ADGB: variants seen among roughly 807,000 people sequenced by gnomAD.
ADGB encodes calpain-7-like protein.
ADGB carries 172 observed loss-of-function variants against 210.5 expected under a neutral mutation model. That is an observed-to-expected ratio of 0.82 (90% CI 0.72 to 0.93). ADGB has a LOEUF of 0.93. Among genes scored for constraint, ADGB ranks in the 40% least tolerant of loss-of-function variants. The probability of loss-of-function intolerance (pLI) is 0.00; values close to 1 mark genes in which losing one functional copy is unlikely to be tolerated. For synonymous variants in ADGB, 658 were observed against 662.7 expected (o/e 0.99, Z 0.11); for missense variants, 2,025 against 1,964.8 (o/e 1.03, Z -0.58).
Position 146,692,838 on chromosome 6 carries a change from G to GAAGCCTGAACGGT in ADGB, c.1501_1513dup (p.Phe505Ter). ...GCTACTTTTTAGAGTTAATAGTAAA[G>GAAGCCTGAACGGT]AAGCCTGAACGGTTCCTTGAGATTT... On this transcript the variant is annotated frameshift_variant, in exon 12 of 36. Coordinates refer to ENST00000397944, the MANE Select transcript of ADGB (RefSeq NM_024694.4). LOFTEE classifies it high-confidence loss of function. 6.6e-7 allele frequency: 1 copy of GAAGCCTGAACGGT among 1,526,636 alleles called. No individual in the cohort carries two copies. Among genetic ancestry groups the GAAGCCTGAACGGT allele is most frequent in the Non-Finnish European group, 8.8e-7 (1 of 1,133,406 alleles). The allele number at this position is 1,526,636 out of a possible 1,614,324, so 94.6% of individuals were successfully genotyped here. A position where few individuals can be genotyped will look rare whatever the true frequency, so the allele number is the denominator to read the frequency against.
In ADGB at chr6:146,627,653, C is replaced by T. The variant is rs115336324; in HGVS notation, c.75-7722C>T. Among the ~76,000 whole-genome samples the T allele has an allele frequency of 5.9e-3, 900 of 152,106 alleles. 14 individuals carry two copies. Among genetic ancestry groups the T allele is most frequent in the African/African-American group, 0.021 (856 of 41,508 alleles). On this transcript the variant is annotated intron_variant, in intron 1 of 35. Coordinates refer to ENST00000397944, the MANE Select transcript of ADGB (RefSeq NM_024694.4). ...GATTCTCTCAGGTACTTTTTTTCCC[C>T]GGCTTTGGGTAGCTTCCTCATGCAC... is the stretch of plus-strand genomic sequence containing the variant.
intron 5 of ADGB, among the ~76,000 whole-genome samples, chr6:146,657,207 T>G (rs1245563186): frequency 2.0e-5 from 3 of 151,570 alleles, no homozygotes; most frequent in Non-Finnish European, 2.9e-5. Context: ...GTGCCTGTAA[T>G]CCCACCTACT....
intron 29 of ADGB, among the ~76,000 whole-genome samples, chr6:146,780,899 C>T (rs1411553993): frequency 6.6e-6 from 1 of 152,028 alleles, no homozygotes; most frequent in East Asian, 1.9e-4. Context: ...ACACATTCTT[C>T]TCAAGGGCAT....
At chr6:146,657,908 G>T (rs1299870819) in intron 5 of ADGB, among the ~76,000 whole-genome samples, 1 of 152,124 alleles carries the variant, frequency 6.6e-6, no homozygotes, top group Non-Finnish European at 1.5e-5. Context: ...TATAAATATG[G>T]CAAAGCAGAC....
In ADGB at chr6:146,788,537, G is replaced by T; in HGVS notation, c.4464G>T (p.Thr1488=). ...GCTTGAGGGATGTGGCAAAATCCAC[G>T]AGTAGCGAAAGTGGAGGAGTGTCTT... The part of the protein sequence containing the change: ...TKGLRDVAKS[T]SSESGGVSSP... The change falls in exon 33 of 36, where the codon ACG becomes ACT. Residue 1488 remains threonine, a synonymous_variant. Coordinates refer to ENST00000397944, the MANE Select transcript of ADGB (RefSeq NM_024694.4). 1.9e-6 allele frequency: 3 copies of T among 1,551,614 alleles called. No homozygotes were observed. The highest frequency in any genetic ancestry group is 2.6e-6 in the Non-Finnish European group (3 of 1,146,896).
chr6:146,735,949 A>G (rs1777073043), intron 22 of ADGB, among the ~76,000 whole-genome samples: 1 of 152,214 alleles, frequency 6.6e-6, no homozygotes, highest in Non-Finnish European at 1.5e-5. Context: ...TGAAGATATC[A>G]ATTTCAGATG....
In ADGB at chr6:146,801,867, G is replaced by C. The variant is rs1480195882; in HGVS notation, c.4674G>C (p.Leu1558Phe). ...ATCCTCTGCTGCAAACAGATGAATT[G>C]AATCAGCAGCAGGCAATGCAAAAGG... ...DTDPLLQTDE[L>F]NQQQAMQKAE... is the part of the protein sequence containing the mutation. Residue 1558 changes from leucine to phenylalanine, a missense_variant, in exon 35 of 36, where the codon TTG becomes TTC. Leu to Phe is a conservative substitution (Grantham distance 22). Transcript: ENST00000397944. The C allele has an allele frequency of 3.9e-6, 6 of 1,550,054 alleles. No individual in the cohort carries two copies. Among genetic ancestry groups the C allele is most frequent in the Non-Finnish European group, 3.5e-6 (4 of 1,146,320 alleles).
At position 146,676,328 on chromosome 6, in the gene ADGB, G is replaced by C. The variant is rs1190986771; in HGVS notation, c.1103G>C (p.Arg368Thr). Residue 368 changes from arginine to threonine, a missense_variant, in exon 9 of 36, where the codon AGA becomes ACA. Coordinates refer to ENST00000397944, the MANE Select transcript of ADGB (RefSeq NM_024694.4). ...DKVPKEKADA[R>T]DIGKKRSKDG... is the part of the protein sequence containing the mutation. ...CATATGTTAGAGAAAGCAGATGCAAGAGACATTGGAAAGAAGAGAAGCAAA... is the reference window on the plus strand; with the variant it reads ...CATATGTTAGAGAAAGCAGATGCAACAGACATTGGAAAGAAGAGAAGCAAA... The C allele has an allele frequency of 6.5e-7, 1 of 1,547,734 alleles. No homozygotes were observed. The highest frequency in any genetic ancestry group is 2.5e-5 in the East Asian group (1 of 40,764).
chr6:146,684,531 G>A (rs1316894941), intron 9 of ADGB, among the ~76,000 whole-genome samples: 1 of 152,026 alleles, frequency 6.6e-6, no homozygotes, highest in African/African-American at 2.4e-5. Context: ...TCTGATGATA[G>A]GAGTGCATGA....
Position 146,775,674 on chromosome 6 carries a change from T to C in ADGB, c.3863-6346T>C, listed in dbSNP as rs978670196. Among the ~76,000 whole-genome samples, 9 of 152,148 alleles carry C rather than the reference T, an allele frequency of 5.9e-5. No homozygotes were observed. In the East Asian group the frequency reaches 1.7e-3, roughly 29 times the overall value. ...CAAAAATATTTGGTTTCAAGTCTCA[T>C]TGAATTTTATTAGCAGTATTATAAC... On this transcript the variant is annotated intron_variant, in intron 29 of 35. Transcript: ENST00000397944.
intron 33 of ADGB, among the ~76,000 whole-genome samples, chr6:146,797,975 A>G (rs1382081881): frequency 6.7e-6 from 1 of 149,544 alleles, no homozygotes; most frequent in South Asian, 2.1e-4. Context: ...CAGTGAAAAA[A>G]AAAAAGTTGG....
chr6:146,699,897 T>C (rs1261259687), intron 12 of ADGB, among the ~76,000 whole-genome samples: 1 of 152,200 alleles, frequency 6.6e-6, no homozygotes, highest in East Asian at 1.9e-4. Context: ...TTACTTACTT[T>C]TTATCTTCTT....
intron 34 of ADGB, 56 bp downstream of exon 34, chr6:146,801,335 T>A (rs1778128885): frequency 1.9e-6 from 2 of 1,079,632 alleles, no homozygotes; most frequent in Admixed American, 6.7e-5. Context: ...TTAAATCGAT[T>A]ATTAAAATAC....
At chr6:146,695,390 T>A (rs1005652347) in intron 12 of ADGB, among the ~76,000 whole-genome samples, 1 of 151,992 alleles carries the variant, frequency 6.6e-6, no homozygotes, top group African/African-American at 2.4e-5. Flanking sequence ...AGTTAGCATA[T>A]GGGCTTTGTA....
rs971288533 is a variant in ADGB at position 146,784,707 on chromosome 6, T to A, written c.4125T>A (p.Phe1375Leu). 1.9e-6 allele frequency: 3 copies of A among 1,551,352 alleles called. No homozygotes were observed. The highest frequency in any genetic ancestry group is 2.6e-6 in the Non-Finnish European group (3 of 1,146,794). ...CTGAACACAATGAATCAGAATTATTTGAAGTGAAAAAGGATACAGAAAGGG... is the reference window on the plus strand; with the variant it reads ...CTGAACACAATGAATCAGAATTATTAGAAGTGAAAAAGGATACAGAAAGGG... The part of the protein sequence containing the change: ...LVTEHNESEL[F>L]EVKKDTERAD... Residue 1375 changes from phenylalanine to leucine, a missense_variant, in exon 31 of 36, where the codon TTT becomes TTA. Transcript: ENST00000397944.
rs748434133 is a variant in ADGB, at chr6:146,784,646, A to T, written c.4064A>T (p.Asp1355Val). The T allele has an allele frequency of 3.0e-5, 47 of 1,549,644 alleles. No individual in the cohort carries two copies. The South Asian group carries it at 5.3e-4, about 17-fold the overall frequency. The change falls in exon 31 of 36, where the codon GAC becomes GTC. Residue 1355 changes from aspartate to valine, a missense_variant. Transcript: ENST00000397944. ...TCCACTGTTCACCCTCAACAAGAAG[A>T]CCCAAATAAACCCTACTGGATTTTG... is the stretch of plus-strand genomic sequence containing the variant. The part of the protein sequence containing the change: ...QISTVHPQQE[D>V]PNKPYWILRL...
At chr6:146,650,506 C>A (rs1194911617) in intron 3 of ADGB, among the ~76,000 whole-genome samples, 3 of 148,070 alleles carry the variant, frequency 2.0e-5, no homozygotes, top group Non-Finnish European at 1.5e-5. Context: ...CAGCTGGAGT[C>A]CCAGGTAAAC....
Position 146,662,425 on chromosome 6 carries a change from G to A in ADGB, c.613-1776G>A, listed in dbSNP as rs78230540. Among the ~76,000 whole-genome samples the A allele has an allele frequency of 9.8e-3, 1,494 of 152,100 alleles. 25 individuals are homozygous for A. The highest frequency in any genetic ancestry group is 0.034 in the African/African-American group (1,407 of 41,506). ...TTCTGCTATTGATCTCATCAATTGA[G>A]AGTTGCTTTTTAGTTTAATTTTAAG... On this transcript the variant is annotated intron_variant, in intron 5 of 35. Coordinates refer to ENST00000397944, the MANE Select transcript of ADGB (RefSeq NM_024694.4).
chr6:146,763,955 A>G lies in ADGB; in HGVS notation c.3605A>G (p.Tyr1202Cys), dbSNP rs1777537804. The G allele has an allele frequency of 6.4e-7, 1 of 1,551,518 alleles. No homozygotes were observed. Among genetic ancestry groups the G allele is most frequent in the Non-Finnish European group, 8.7e-7 (1 of 1,146,878 alleles). Residue 1202 changes from tyrosine to cysteine, a missense_variant, in exon 28 of 36, where the codon TAT becomes TGT. Tyr to Cys is a radical substitution (Grantham distance 194). Coordinates refer to ENST00000397944, the MANE Select transcript of ADGB (RefSeq NM_024694.4). The stretch of plus-strand genomic sequence containing the variant: ...GCATCCAAGAAAGAGCAAGAAGTGT[A>G]TGTTAAGAAGAAAGCTGCTCAGGGA... ...HSASKKEQEV[Y>C]VKKKAAQGIQ...
Sources: gnomAD v4.1 joint callset for allele counts (sites outside exome capture counted in the v4.1 genomes callset) on GRCh38, gnomAD v4.1.1 for gene constraint, MANE v1.5 for transcripts, NCBI Gene and HGNC (gene_info 2026-07-23, HGNC 2026-07-21) for gene names.